The following PHF20L1 variants were observed in gnomAD, a reference collection of about 807,000 sequenced individuals.
PHF20L1 encodes PHD finger protein 20-like protein 1.
PHF20L1 carries 44 observed loss-of-function variants against 125.5 expected under a neutral mutation model. The ratio of observed to expected loss-of-function variants is 0.35; its 90% CI spans 0.28 to 0.45. The LOEUF is 0.45. Among genes scored for constraint, PHF20L1 ranks in the 20% least tolerant of loss-of-function variants. PHF20L1 has a pLI of 1.00. For missense variants in PHF20L1, 1,012 were observed against 1,217.2 expected (o/e 0.83, Z 2.51); for synonymous variants, 380 against 403.1 (o/e 0.94, Z 0.69).
chr8:132,778,981 G>A (rs1245878779), intron 2 of PHF20L1, among the ~76,000 whole-genome samples: 3 of 152,162 alleles, frequency 2.0e-5, no homozygotes, highest in Non-Finnish European at 2.9e-5. Flanking sequence ...TCAACTTCCC[G>A]AGTTGGCAAT....
Position 132,817,512 on chromosome 8 carries a change from A to G in PHF20L1, c.1546A>G (p.Ile516Val), listed in dbSNP as rs757580769. The part of the protein sequence containing the change: ...QMLPNPSSKA[I>V]ADGRGAPAAA... ...GCTTCCAAATCCTTCTTCCAAAGCAATAGCTGATGGAAGAGGAGCTCCAGC... is the reference window on the plus strand; with the variant it reads ...GCTTCCAAATCCTTCTTCCAAAGCAGTAGCTGATGGAAGAGGAGCTCCAGC... Residue 516 changes from isoleucine (I) to valine (V), a missense_variant, in exon 12 of 21, where the codon ATA becomes GTA. Ile to Val is a conservative substitution (Grantham distance 29, BLOSUM62 3). This residue lies in a region of PHF20L1 where 320 missense variants were observed against 293.8 expected (regional missense o/e 1.09). Coordinates refer to ENST00000395386, the MANE Select transcript of PHF20L1 (RefSeq NM_016018.5). 4 of 1,612,050 alleles carry G rather than the reference A, an allele frequency of 2.5e-6. No individual in the cohort carries two copies. The highest frequency in any genetic ancestry group is 3.4e-6 in the Non-Finnish European group (4 of 1,178,980).
chr8:132,825,050 A>G (rs1329446413), intron 13 of PHF20L1: 1 of 1,468,110 alleles, frequency 6.8e-7, no homozygotes, highest in Non-Finnish European at 9.2e-7. Context: ...AGGAGTTGGG[A>G]TTTCTCAGCA....
chr8:132,828,518 GTT>G (rs1490426128), intron 14 of PHF20L1, among the ~76,000 whole-genome samples: 1 of 151,992 alleles, frequency 6.6e-6, no homozygotes, highest in Non-Finnish European at 1.5e-5. Flanking sequence ...GTTTTTACTT[GTT>G]TTTATTGGCA....
At chr8:132,837,591 T>G in intron 16 of PHF20L1, 121 bp from the exon 17 acceptor site, 1 of 685,828 alleles carries the variant, frequency 1.5e-6, no homozygotes, top group Non-Finnish European at 2.6e-6. Context: ...CAAATAAGTA[T>G]GAAACTGATA....
chr8:132,802,545 C>T (rs575874976), intron 6 of PHF20L1, among the ~76,000 whole-genome samples: 13 of 151,848 alleles, frequency 8.6e-5, no homozygotes, highest in African/African-American at 3.1e-4. Flanking sequence ...TCCTTATGGA[C>T]GGGACCAGTC....
rs772591302 is a variant in PHF20L1, at chr8:132,811,100, A to G, written c.902A>G (p.Tyr301Cys). The G allele has an allele frequency of 5.0e-6, 8 of 1,613,102 alleles. No homozygotes were observed. The East Asian group carries it at 6.7e-5, about 13-fold the overall frequency. ...GVDGAEKKED[Y>C]NETAPMLEQA... ...GATGGTGCTGAAAAAAAGGAAGACT[A>G]CAATGAAACAGCTCCAATGCTGGAG... The change falls in exon 9 of 21, where the codon TAC becomes TGC. Residue 301 changes from tyrosine to cysteine, a missense_variant. Tyr to Cys is a radical substitution (Grantham distance 194). This residue lies in a region of PHF20L1 where 119 missense variants were observed against 160.2 expected (regional missense o/e 0.74). Transcript: ENST00000395386.
intron 4 of PHF20L1, among the ~76,000 whole-genome samples, chr8:132,797,380 G>A (rs1477988532): frequency 6.6e-6 from 1 of 152,034 alleles, no homozygotes; most frequent in African/African-American, 2.4e-5. Flanking sequence ...AGTCATTGGG[G>A]AAGTTTTCAT....
chr8:132,819,639 C>T (rs910730772), intron 12 of PHF20L1, among the ~76,000 whole-genome samples: 2 of 151,226 alleles, frequency 1.3e-5, no homozygotes, highest in African/African-American at 4.9e-5. Context: ...TTCCCCAAGT[C>T]CTTTTACATC....
chr8:132,833,235 C>G, intron 15 of PHF20L1, among the ~76,000 whole-genome samples: 1 of 152,032 alleles, frequency 6.6e-6, no homozygotes, highest in East Asian at 1.9e-4. Flanking sequence ...TTTCTTCTGA[C>G]TGACCTCGAT....
chr8:132,808,732 G>A (rs1473046425), intron 8 of PHF20L1: 2 of 151,576 alleles, frequency 1.3e-5, no homozygotes, highest in African/African-American at 4.8e-5. Flanking sequence ...ATATAATTAG[G>A]ATTGAAGCTG....
At position 132,778,005 on chromosome 8, in the gene PHF20L1, AACATCAGTGTATT is replaced by A. The variant is rs1830019637; in HGVS notation, c.83+95_83+107del. 3.9e-6 allele frequency: 3 copies of A among 776,858 alleles called. No homozygotes were observed. In the South Asian group the frequency reaches 4.6e-5, roughly 12 times the overall value. 48.1% of individuals were successfully genotyped at this position (776,858 alleles called of 1,614,324 possible). A position where few individuals can be genotyped will look rare whatever the true frequency, so the allele number is the denominator to read the frequency against. ...AGTAAATTCCACTGATGGTAGCAGA[AACATCAGTGTATT>A]CACATTTCGATTACACATATATGTT... On this transcript the variant is annotated intron_variant, in intron 2 of 20. Coordinates refer to ENST00000395386, the MANE Select transcript of PHF20L1 (RefSeq NM_016018.5).
rs768809587 is a variant in PHF20L1, at chr8:132,832,291, C to T, written c.1801C>T (p.Leu601=). The change falls in exon 15 of 21, where the codon CTA becomes TTA. Residue 601 remains leucine, a synonymous_variant. Transcript: ENST00000395386. ...ATTTTTGGAAAGGTGCTCTTCTCCA[C>T]TAACTCGATCTTCTGGGAGTTCTCT... ...LEFLERCSSP[L]TRSSGSSLAS... is the part of the protein sequence containing the mutation. 3 of 1,607,838 alleles carry T rather than the reference C, an allele frequency of 1.9e-6. No homozygotes were observed. Among genetic ancestry groups the T allele is most frequent in the Non-Finnish European group, 2.6e-6 (3 of 1,174,560 alleles).
At chr8:132,845,385 TA>T (rs1838332749) in intron 20 of PHF20L1, among the ~76,000 whole-genome samples, 3 of 152,040 alleles carry the variant, frequency 2.0e-5, no homozygotes, top group African/African-American at 7.2e-5. Flanking sequence ...ATGACGAGTC[TA>T]AATTAATAGA....
chr8:132,791,751 G>A (rs1831736215), intron 2 of PHF20L1, among the ~76,000 whole-genome samples: 2 of 152,140 alleles, frequency 1.3e-5, no homozygotes, highest in Non-Finnish European at 1.5e-5. Flanking sequence ...TTGGGTATCT[G>A]TGTTACTTAA....
intron 9 of PHF20L1, chr8:132,811,391 TC>T (rs1314785936): frequency 8.7e-7 from 1 of 1,144,468 alleles, no homozygotes; most frequent in Non-Finnish European, 1.1e-6. Flanking sequence ...GGTATAAGCT[TC>T]CAGCTGGATC....
chr8:132,839,053 C>T (rs540801769), intron 17 of PHF20L1: 11 of 206,642 alleles, frequency 5.3e-5, no homozygotes, highest in Admixed American at 2.1e-4. Flanking sequence ...AGAAATAACC[C>T]CTGTCTAGTT....
At chr8:132,823,361 A>C (rs1835807640) in intron 12 of PHF20L1, among the ~76,000 whole-genome samples, 1 of 151,996 alleles carries the variant, frequency 6.6e-6, no homozygotes, top group African/African-American at 2.4e-5. Flanking sequence ...TTTCATTTGG[A>C]TAATCCAGAT....
intron 13 of PHF20L1, chr8:132,824,939 TC>T (rs1258358124): frequency 9.6e-6 from 10 of 1,041,268 alleles, no homozygotes; most frequent in African/African-American, 1.6e-5. Flanking sequence ...TTCATTCAGG[TC>T]CTTTGTAAAT....
intron 2 of PHF20L1, among the ~76,000 whole-genome samples, chr8:132,782,711 C>T (rs1163156499): frequency 6.6e-6 from 1 of 152,082 alleles, no homozygotes; most frequent in Non-Finnish European, 1.5e-5. Context: ...GCTTCAACCT[C>T]CCAAGTAGCT....
Sources: gnomAD v4.1 joint callset for allele counts (sites outside exome capture counted in the v4.1 genomes callset) on GRCh38, gnomAD v4.1.1 for gene constraint, gnomAD v4.1.1 regional missense constraint, MANE v1.5 for transcripts, NCBI Gene and HGNC (gene_info 2026-07-23, HGNC 2026-07-21) for gene names.